Variants in EGF observed in about 807,000 individuals in gnomAD.
The protein encoded by EGF is pro-epidermal growth factor.
A neutral mutation model predicts 143.8 loss-of-function variants in EGF; 95 were observed. That is an observed-to-expected ratio of 0.66 (90% confidence interval 0.56 to 0.78). The LOEUF (loss-of-function observed/expected upper bound fraction) is 0.78, where lower values mean the gene tolerates loss of function less well. Ranked by LOEUF, EGF falls within the 30% of genes least tolerant of loss-of-function variation. EGF has a pLI of 0.00. For missense variants in EGF, 1,320 were observed against 1,470.9 expected (o/e 0.90, Z 1.68); for synonymous variants, 510 against 510.5 (o/e 1.00, Z 0.01).
At chr4:109,935,675 A>G (rs1422322182) in intron 1 of EGF, among the ~76,000 whole-genome samples, 1 of 152,126 alleles carries the variant, frequency 6.6e-6, no homozygotes, top group Non-Finnish European at 1.5e-5. Flanking sequence ...ATTCAGTATG[A>G]TATTGATTGT....
intron 10 of EGF, 121 bp downstream of exon 10, chr4:109,964,658 AG>A: frequency 1.4e-6 from 2 of 1,394,566 alleles, no homozygotes; most frequent in Non-Finnish European, 2.0e-6. Context: ...GATTAGGCAC[AG>A]AACAAGTTAA....
At chr4:109,963,017 A>G (rs1031729870) in intron 8 of EGF, among the ~76,000 whole-genome samples, 156 bp from the exon 9 acceptor site, 1 of 151,520 alleles carries the variant, frequency 6.6e-6, no homozygotes, top group Non-Finnish European at 1.5e-5. Context: ...CAATGAGCCG[A>G]GAGTGCCATT....
chr4:109,930,653 GC>G (rs1247694839), intron 1 of EGF, among the ~76,000 whole-genome samples: 1 of 152,264 alleles, frequency 6.6e-6, no homozygotes, highest in East Asian at 1.9e-4. Flanking sequence ...ATGAGTGTTT[GC>G]CCCCAAGGCC....
rs751835222 is a variant in EGF at position 109,943,412 on chromosome 4, T to C, written c.486T>C (p.Asn162=). The stretch of plus-strand genomic sequence containing the variant: ...TAAGTGCTTTAAAATATCCTGCAAA[T>C]GTAGCAGTTGATCCAGTAGAAAGGT... ...ILLSALKYPA[N]VAVDPVERFI... Residue 162 remains asparagine, a synonymous_variant, in exon 3 of 24, where the codon AAT becomes AAC. Coordinates refer to ENST00000265171, the MANE Select transcript of EGF (RefSeq NM_001963.6). 6.2e-7 allele frequency: 1 copy of C among 1,613,792 alleles called. No homozygotes were observed. Among genetic ancestry groups the C allele is most frequent in the South Asian group, 1.1e-5 (1 of 91,042 alleles).
intron 1 of EGF, among the ~76,000 whole-genome samples, chr4:109,934,777 T>C (rs1740454579): frequency 6.6e-6 from 1 of 152,212 alleles, no homozygotes. Flanking sequence ...GCTTTCTCCA[T>C]ATGTCTAGCC....
intron 23 of EGF, among the ~76,000 whole-genome samples, chr4:110,009,057 A>G (rs3796941): frequency 0.033 from 5,049 of 152,258 alleles, 263 homozygotes; most frequent in East Asian, 0.17. Flanking sequence ...TTATTATCAT[A>G]ACCTCCTCCT....
intron 21 of EGF, among the ~76,000 whole-genome samples, chr4:110,000,860 T>C (rs528699163): frequency 1.2e-4 from 18 of 152,322 alleles, no homozygotes; most frequent in Middle Eastern, 3.4e-3. Flanking sequence ...ATCTTATCAT[T>C]TCATGGCTGG....
chr4:109,988,771 G>A (rs1750526402), intron 18 of EGF, 62 bp downstream of exon 18: 1 of 1,609,486 alleles, frequency 6.2e-7, no homozygotes, highest in Non-Finnish European at 8.5e-7. Context: ...GGGAAACAAT[G>A]TGGGTGCATG....
At chr4:109,995,501 T>G (rs1009355933) in intron 20 of EGF, among the ~76,000 whole-genome samples, 10 of 152,304 alleles carry the variant, frequency 6.6e-5, no homozygotes, top group Admixed American at 6.5e-4. Flanking sequence ...GAAAGGAGAT[T>G]TGAGGAAGCC....
chr4:110,004,738 T>A, intron 22 of EGF, 116 bp downstream of exon 22: 1 of 784,852 alleles, frequency 1.3e-6, no homozygotes, highest in Non-Finnish European at 2.0e-6. Context: ...TTCCAGCTGG[T>A]GTCAGTGTTA....
chr4:109,965,217 C>T (rs898348408), intron 10 of EGF, among the ~76,000 whole-genome samples: 5 of 152,030 alleles, frequency 3.3e-5, no homozygotes, highest in Admixed American at 2.0e-4. Context: ...AATAATGATA[C>T]ATTTATATAG....
At chr4:109,951,425 T>G (rs142983031) in intron 5 of EGF, among the ~76,000 whole-genome samples, 1 of 152,118 alleles carries the variant, frequency 6.6e-6, no homozygotes, top group African/African-American at 2.4e-5. Context: ...CTAAATAATA[T>G]AATAAGGAAT....
intron 22 of EGF, 112 bp downstream of exon 22, chr4:110,004,734 C>CT: frequency 2.9e-6 from 2 of 688,406 alleles, no homozygotes; most frequent in Non-Finnish European, 4.4e-6. Context: ...TAGCTTCCAG[C>CT]TGGTGTCAGT....
chr4:109,941,606 C>T (rs1159330312), intron 2 of EGF, among the ~76,000 whole-genome samples: 2 of 152,076 alleles, frequency 1.3e-5, no homozygotes, highest in African/African-American at 2.4e-5. Context: ...TGGGATGCTG[C>T]AAAACATCTT....
intron 1 of EGF, among the ~76,000 whole-genome samples, chr4:109,939,334 G>T (rs531990353): frequency 3.3e-5 from 5 of 152,346 alleles, no homozygotes; most frequent in East Asian, 3.9e-4. Flanking sequence ...ATGGGTATGG[G>T]ACCAGCTGAG....
At chr4:109,948,527 C>T (rs1414826588) in intron 5 of EGF, among the ~76,000 whole-genome samples, 1 of 152,070 alleles carries the variant, frequency 6.6e-6, no homozygotes, top group Non-Finnish European at 1.5e-5. Flanking sequence ...CTCTGTTGCC[C>T]AGGCTGGAGT....
At chr4:109,980,283 TA>T in intron 14 of EGF, 144 bp downstream of exon 14, 1 of 873,466 alleles carries the variant, frequency 1.1e-6, no homozygotes, top group Non-Finnish European at 1.7e-6. Context: ...TTCTAAGATT[TA>T]AGTTTGTTTA....
chr4:109,950,418 C>T (rs1743683745), intron 5 of EGF, among the ~76,000 whole-genome samples: 2 of 152,174 alleles, frequency 1.3e-5, no homozygotes, highest in Admixed American at 1.3e-4. Flanking sequence ...GCCCTTCCTG[C>T]AGGTTTCTCT....
intron 1 of EGF, among the ~76,000 whole-genome samples, chr4:109,935,133 A>T (rs1457420500): frequency 6.6e-6 from 1 of 152,144 alleles, no homozygotes; most frequent in African/African-American, 2.4e-5. Flanking sequence ...ATAGCATTGA[A>T]TTTATAAATT....
Sources: allele counts gnomAD v4.1 joint callset (sites outside exome capture counted in the v4.1 genomes callset), GRCh38; gene constraint gnomAD v4.1.1; transcripts MANE v1.5; gene names NCBI Gene and HGNC (gene_info 2026-07-23, HGNC 2026-07-21).